RNF220: variants seen among roughly 807,000 people sequenced by gnomAD.
RNF220 encodes E3 ubiquitin-protein ligase RNF220.
In RNF220, 7 loss-of-function variants were observed where a neutral mutation model predicts 67.1. The ratio of observed to expected loss-of-function variants is 0.10; its 90% CI spans 0.06 to 0.20. The LOEUF is 0.20. Ranked by LOEUF, RNF220 falls within the 10% of genes least tolerant of loss-of-function variation. RNF220 has a pLI of 1.00. For missense variants in RNF220, 565 were observed against 740.3 expected (o/e 0.76, Z 2.75); for synonymous variants, 270 against 283.2 (o/e 0.95, Z 0.47).
chr1:44,550,077 T>C (rs1662503356), intron 2 of RNF220, among the ~76,000 whole-genome samples: 2 of 152,200 alleles, frequency 1.3e-5, no homozygotes, highest in African/African-American at 4.8e-5. Flanking sequence ...AGCCTGGGAA[T>C]GTTTCAGGCC....
intron 2 of RNF220, among the ~76,000 whole-genome samples, chr1:44,430,827 G>A (rs556426157): frequency 1.6e-4 from 24 of 152,326 alleles, no homozygotes; most frequent in African/African-American, 5.1e-4. Context: ...TTACAGGCGT[G>A]AGCCACCACG....
chr1:44,430,690 G>A (rs947987556), intron 2 of RNF220, among the ~76,000 whole-genome samples: 3 of 152,060 alleles, frequency 2.0e-5, no homozygotes, highest in East Asian at 1.9e-4. Context: ...GATTATAGGC[G>A]CCTGCCACCA....
chr1:44,431,475 G>A (rs1572479047), intron 2 of RNF220, among the ~76,000 whole-genome samples: 1 of 138,210 alleles, frequency 7.2e-6, no homozygotes, highest in East Asian at 2.1e-4. Flanking sequence ...CTGGGCGACA[G>A]AGCAAGACTT....
chr1:44,507,618 G>A (rs531356566), intron 2 of RNF220, among the ~76,000 whole-genome samples: 5 of 152,198 alleles, frequency 3.3e-5, no homozygotes, highest in South Asian at 2.1e-4. Context: ...AACAAGTAGC[G>A]GGCAGGCTTG....
intron 2 of RNF220, among the ~76,000 whole-genome samples, chr1:44,476,802 G>A (rs562024494): frequency 1.2e-4 from 18 of 152,270 alleles, no homozygotes; most frequent in African/African-American, 3.9e-4. Flanking sequence ...TTTTGTGAGC[G>A]TGCTTGTGTT....
intron 2 of RNF220, among the ~76,000 whole-genome samples, chr1:44,493,837 A>G (rs1035659831): frequency 1.3e-5 from 2 of 152,036 alleles, no homozygotes; most frequent in Non-Finnish European, 2.9e-5. Flanking sequence ...CTCAAATAAA[A>G]TTATTGAATT....
intron 2 of RNF220, among the ~76,000 whole-genome samples, chr1:44,449,451 T>TC (rs1198684003): frequency 6.6e-6 from 1 of 151,992 alleles, no homozygotes; most frequent in African/African-American, 2.4e-5. Flanking sequence ...CCTCACCCTG[T>TC]CACCCAGGCT....
At chr1:44,421,374 T>C (rs529067616) in intron 2 of RNF220, among the ~76,000 whole-genome samples, 4 of 152,324 alleles carry the variant, frequency 2.6e-5, no homozygotes, top group African/African-American at 7.2e-5. Context: ...TTGACTAGTA[T>C]TAGAATTCAC....
chr1:44,606,599 C>CAA lies in RNF220; in HGVS notation c.626-7565_626-7564insAA, dbSNP rs540580933. ...TCCTTTCTTGGCTTCAATGACATCA[C>CAA]ACTTTCCTTGTTTTCATTCTACCTC... On this transcript the variant is annotated intron_variant, in intron 2 of 14. Coordinates refer to ENST00000361799, the MANE Select transcript of RNF220 (RefSeq NM_018150.4). This position sits in a 1 kb window ranked among gnomAD's most constrained non-coding sequence, Gnocchi z 4.2. 1.6e-3 allele frequency among the ~76,000 whole-genome samples: 250 copies of CAA among 152,312 alleles called. 1 individual carries two copies. The highest frequency in any genetic ancestry group is 3.4e-3 in the Middle Eastern group (1 of 294).
intron 5 of RNF220, among the ~76,000 whole-genome samples, chr1:44,629,582 A>C (rs372259608): frequency 5.9e-5 from 9 of 152,328 alleles, no homozygotes; most frequent in South Asian, 4.1e-4. Flanking sequence ...TCATGCCTGT[A>C]ATCTCAGCAC....
At chr1:44,638,432 A>G (rs1573159214) in intron 8 of RNF220, 1 of 152,280 alleles carries the variant, frequency 6.6e-6, no homozygotes, top group Non-Finnish European at 1.5e-5. Flanking sequence ...GGCGAGGCCC[A>G]TTTAAACTGC....
At chr1:44,502,814 G>A (rs1658046216) in intron 2 of RNF220, among the ~76,000 whole-genome samples, 1 of 152,000 alleles carries the variant, frequency 6.6e-6, no homozygotes, top group Non-Finnish European at 1.5e-5. Flanking sequence ...CGCCCAGGCT[G>A]GTGTGCAGTG....
At chr1:44,564,260 C>T (rs1663809747) in intron 2 of RNF220, among the ~76,000 whole-genome samples, 2 of 152,196 alleles carry the variant, frequency 1.3e-5, no homozygotes, top group South Asian at 4.1e-4. Context: ...CATCTCTTGC[C>T]TGGACCGTTG....
Position 44,534,918 on chromosome 1 carries a change from A to G in RNF220, c.626-79247A>G, listed in dbSNP as rs532003715. ...CATACCTGGAACAGAAATTTACTAAATGTTTTTAAGCTCTTCAAGTGGAGA... is the reference window on the plus strand; with the variant it reads ...CATACCTGGAACAGAAATTTACTAAGTGTTTTTAAGCTCTTCAAGTGGAGA... On this transcript the variant is annotated intron_variant, in intron 2 of 14. Coordinates refer to ENST00000361799, the MANE Select transcript of RNF220 (RefSeq NM_018150.4). Among the ~76,000 whole-genome samples, 40 of 152,290 alleles carry G rather than the reference A, an allele frequency of 2.6e-4. No homozygotes were observed. The East Asian group carries it at 7.7e-3, about 29-fold the overall frequency.
chr1:44,488,727 C>CTTTTTTTTTTTTTTT (rs55968850), intron 2 of RNF220, among the ~76,000 whole-genome samples: 7 of 102,562 alleles, frequency 6.8e-5, no homozygotes, highest in Middle Eastern at 6.0e-3. Context: ...TTTCTTTTTT[C>CTTTTTTTTTTTTTTT]TTTTTTTTTT....
chr1:44,448,811 T>G (rs149765456), intron 2 of RNF220, among the ~76,000 whole-genome samples: 44 of 152,320 alleles, frequency 2.9e-4, no homozygotes, highest in African/African-American at 9.4e-4. Context: ...TACTTTCACA[T>G]AGTAAACGTT....
intron 2 of RNF220, among the ~76,000 whole-genome samples, chr1:44,462,740 C>A (rs1203220690): frequency 2.0e-5 from 3 of 152,146 alleles, no homozygotes; most frequent in Admixed American, 2.0e-4. Context: ...TTAGAAAATA[C>A]AAGAAAGGCC....
chr1:44,479,677 G>A (rs1207739080), intron 2 of RNF220, among the ~76,000 whole-genome samples: 1 of 152,174 alleles, frequency 6.6e-6, no homozygotes, highest in Non-Finnish European at 1.5e-5. Context: ...CTCTGGATTA[G>A]GTCTTTAGCC....
At position 44,626,547 on chromosome 1, in the gene RNF220, G is replaced by A; in HGVS notation, c.906+149G>A. On this transcript the variant is annotated intron_variant, in intron 5 of 14. Coordinates refer to ENST00000361799, the MANE Select transcript of RNF220 (RefSeq NM_018150.4). The stretch of plus-strand genomic sequence containing the variant: ...TTCCCCCTGTGTCCCGTGCCCCTAA[G>A]TGAACTCAGGAGGCATACGTGTCAG... 3 of 631,912 alleles carry A rather than the reference G, an allele frequency of 4.7e-6. No individual in the cohort carries two copies. In the East Asian group the frequency reaches 8.2e-5, roughly 17 times the overall value. 39.1% of individuals were successfully genotyped at this position (631,912 alleles called of 1,614,324 possible). A position where few individuals can be genotyped will look rare whatever the true frequency, so the allele number is the denominator to read the frequency against.
Sources: gnomAD v4.1 joint callset for allele counts (sites outside exome capture counted in the v4.1 genomes callset) on GRCh38, gnomAD v4.1.1 for gene constraint, Gnocchi (gnomAD v3.1) non-coding constraint, MANE v1.5 for transcripts, NCBI Gene and HGNC (gene_info 2026-07-23, HGNC 2026-07-21) for gene names.